The following INTS11 variants were observed in gnomAD, a reference collection of about 807,000 sequenced individuals.
INTS11 encodes CPSF3-like protein.
In INTS11, 77 loss-of-function variants were observed where a neutral mutation model predicts 78.6. That is an observed-to-expected ratio of 0.98 (90% CI 0.81 to 1.18). The LOEUF is 1.18. Among genes scored for constraint, INTS11 ranks in the 50% most tolerant of loss-of-function variants. INTS11 has a pLI of 0.00. For synonymous variants in INTS11, 441 were observed against 326.9 expected, an observed-to-expected ratio of 1.35 and a Z score of -3.77; for missense variants, 875 against 825.9, an observed-to-expected ratio of 1.06 and a Z score of -0.73.
rs932999699 is a variant in INTS11 at position 1,312,098 on chromosome 1, C to G, written c.1657G>C (p.Val553Leu). The G allele has an allele frequency of 6.3e-7, 1 of 1,577,564 alleles. No homozygotes were observed. The highest frequency in any genetic ancestry group is 1.3e-5 in the African/African-American group (1 of 74,218). Residue 553 changes from valine to leucine, a missense_variant, in exon 16 of 17, where the codon GTG becomes CTG. Val to Leu is a conservative substitution (Grantham distance 32). Coordinates refer to ENST00000435064, the MANE Select transcript of INTS11 (RefSeq NM_017871.6). ...VQHLPDGSVT[V>L]ESVLLQAAAP... ...GCGGCCTGGAGGAGGACGGACTCCA[C>G]AGTCACAGAGCCGTCTGGGAGGTGC...
intron 1 of INTS11, chr1:1,321,809 C>T: frequency 1.1e-6 from 1 of 906,492 alleles, no homozygotes. Flanking sequence ...CCTCATGTGG[C>T]CTGGGGGCCC....
In INTS11 at chr1:1,319,404, G is replaced by A; in HGVS notation, c.321C>T (p.Tyr107=). 6.2e-7 allele frequency: 1 copy of A among 1,613,388 alleles called. No homozygotes were observed. ...CCTTCTTGTCTACGGCGATCTTGCG[G>A]TAGTCCTCCAGCAAGATGGGGCAGA... The part of the protein sequence containing the change: ...QAICPILLED[Y]RKIAVDKKGE... The change falls in exon 4 of 17, where the codon TAC becomes TAT. Residue 107 remains tyrosine (Y), a synonymous_variant. Transcript: ENST00000435064.
rs754385797 is a variant in INTS11 at position 1,312,515 on chromosome 1, G to A, written c.1403-14C>T. On this transcript the variant is annotated splice_polypyrimidine_tract_variant and intron_variant, in intron 13 of 16. Coordinates refer to ENST00000435064, the MANE Select transcript of INTS11 (RefSeq NM_017871.6). ...CAGGGAGCAGCCCTGCGGAGGAGGT[G>A]GCAGGAGCCATCAATGTGAGGGCCG... The A allele has an allele frequency of 3.2e-6, 5 of 1,583,664 alleles. No homozygotes were observed. In the African/African-American group the frequency reaches 4.0e-5, roughly 13 times the overall value.
At chr1:1,323,029 T>A in intron 1 of INTS11, 2 of 1,412,824 alleles carry the variant, frequency 1.4e-6, no homozygotes, top group Non-Finnish European at 1.9e-6. Flanking sequence ...AGGGGCAGGC[T>A]GGGAGGACCC....
intron 3 of INTS11, 181 bp from the exon 4 acceptor site, chr1:1,319,705 T>G (rs1642833373): frequency 8.6e-6 from 5 of 582,390 alleles, no homozygotes; most frequent in Non-Finnish European, 1.5e-5. Flanking sequence ...AGTCTCAAAG[T>G]CTAGCAAGGC....
At chr1:1,320,413 A>G in intron 3 of INTS11, 43 bp downstream of exon 3, 3 of 1,590,162 alleles carry the variant, frequency 1.9e-6, no homozygotes, top group Non-Finnish European at 2.6e-6. Context: ...CAAGCCCCAC[A>G]GGCACAGACA....
Position 1,314,997 on chromosome 1 carries a change from C to G in INTS11, c.564-35G>C. The stretch of plus-strand genomic sequence containing the variant: ...GGGGGTGGGGGTGTGAGCCACGATG[C>G]ACTGTCCCCACGGTTGCAGGGCTGG... On this transcript the variant is annotated intron_variant, in intron 6 of 16. Transcript: ENST00000435064. This position sits in a 1 kb window ranked among gnomAD's most constrained non-coding sequence, Gnocchi z 4.2. The G allele has an allele frequency of 6.2e-7, 1 of 1,604,554 alleles. No homozygotes were observed. The highest frequency in any genetic ancestry group is 8.5e-7 in the Non-Finnish European group (1 of 1,173,268).
intron 4 of INTS11, 106 bp downstream of exon 4, chr1:1,319,190 T>A (rs768445933): frequency 9.8e-7 from 1 of 1,022,654 alleles, no homozygotes; most frequent in Non-Finnish European, 1.6e-6. Context: ...TGGGGTGGGC[T>A]CACCCTGAGG....
Position 1,314,114 on chromosome 1 carries a change from G to A in INTS11, c.767+187C>T. 1 of 759,012 alleles carries A rather than the reference G, an allele frequency of 1.3e-6. No homozygotes were observed. Among genetic ancestry groups the A allele is most frequent in the Non-Finnish European group, 2.2e-6 (1 of 456,210 alleles). 47.0% of individuals were successfully genotyped at this position (759,012 alleles called of 1,614,324 possible). A position where few individuals can be genotyped will look rare whatever the true frequency, so the allele number is the denominator to read the frequency against. On this transcript the variant is annotated intron_variant, in intron 8 of 16. Transcript: ENST00000435064. The surrounding 1 kb of genome is among the most constrained non-coding windows in gnomAD (Gnocchi z 4.2). ...CGGAGAACCAGGAACCCCTACAAGA[G>A]CCGCACACGGTGGCGCTGACGGGAT...
intron 2 of INTS11, 45 bp from the exon 3 acceptor site, chr1:1,320,574 C>G: frequency 1.9e-6 from 3 of 1,601,418 alleles, no homozygotes; most frequent in Non-Finnish European, 2.6e-6. Context: ...GGTCTCCAGG[C>G]AGCATCTGGG....
At position 1,312,209 on chromosome 1, in the gene INTS11, C is replaced by CGGGGCCGG; in HGVS notation, c.1607+9_1607+16dup. The CGGGGCCGG allele has an allele frequency of 1.2e-6, 1 of 863,566 alleles. No homozygotes were observed. The highest frequency in any genetic ancestry group is 1.6e-6 in the Non-Finnish European group (1 of 629,194). 53.5% of individuals were successfully genotyped at this position (863,566 alleles called of 1,614,324 possible). A position where few individuals can be genotyped will look rare whatever the true frequency, so the allele number is the denominator to read the frequency against. The stretch of plus-strand genomic sequence containing the variant: ...AGGGCCCAAGGGAGTGGGGGGGGGG[C>CGGGGCCGG]GGGGCCGGGCGCCCACCTCTTGAGG... On this transcript the variant is annotated intron_variant, in intron 15 of 16. Transcript: ENST00000435064.
rs552646507 is a variant in INTS11, at chr1:1,319,883, C to T, written c.201-359G>A. The T allele has an allele frequency of 7.5e-4, 191 of 255,546 alleles. 1 individual carries two copies. Among genetic ancestry groups the T allele is most frequent in the African/African-American group, 3.9e-3 (173 of 44,608 alleles). 15.8% of individuals were successfully genotyped at this position (255,546 alleles called of 1,614,324 possible). On this transcript the variant is annotated intron_variant, in intron 3 of 16. Coordinates refer to ENST00000435064, the MANE Select transcript of INTS11 (RefSeq NM_017871.6). ...GGCACAGACCTGAGGGCAAGGGCAGCGCCTGGCAAGCCCCAGGAAGGCACT... is the reference window on the plus strand; with the variant it reads ...GGCACAGACCTGAGGGCAAGGGCAGTGCCTGGCAAGCCCCAGGAAGGCACT...
At chr1:1,321,371 G>C (rs1469578303) in intron 1 of INTS11, among the ~76,000 whole-genome samples, 2 of 151,992 alleles carry the variant, frequency 1.3e-5, no homozygotes, top group Non-Finnish European at 2.9e-5. Flanking sequence ...TGCTGGCTAA[G>C]TAGTGGGCAC....
intron 1 of INTS11, chr1:1,322,797 A>G: frequency 1.3e-6 from 1 of 768,922 alleles, no homozygotes; most frequent in Non-Finnish European, 1.6e-6. Context: ...AGTGACCCCA[A>G]GGACACAGCA....
chr1:1,312,652 G>T lies in INTS11; in HGVS notation c.1343C>A (p.Thr448Lys). The change falls in exon 13 of 17, where the codon ACA becomes AAA. Residue 448 changes from threonine (T) to lysine (K), a missense_variant. By Grantham distance (78) the Thr-to-Lys change is moderately conservative. Coordinates refer to ENST00000435064, the MANE Select transcript of INTS11 (RefSeq NM_017871.6). ...GATGCCTACGGGGATGCTGGGGCTT[G>T]TGGGCAGCGTCACCGTCTCGCCATT... is the stretch of plus-strand genomic sequence containing the variant. ...PANGETVTLPTSPSIPVGISL... is the reference protein window; with the variant it reads ...PANGETVTLPKSPSIPVGISL... 1 of 1,594,296 alleles carries T rather than the reference G, an allele frequency of 6.3e-7. No individual in the cohort carries two copies. Among genetic ancestry groups the T allele is most frequent in the Non-Finnish European group, 8.6e-7 (1 of 1,167,204 alleles).
chr1:1,318,755 A>G (rs889649132), intron 4 of INTS11: 20 of 534,820 alleles, frequency 3.7e-5, no homozygotes, highest in Non-Finnish European at 5.5e-5. Flanking sequence ...TACCTAATAT[A>G]GTTTCAAGAA....
rs373808021 is a variant in INTS11, at chr1:1,324,644, C to T, written c.-36G>A. The T allele has an allele frequency of 3.8e-6, 6 of 1,598,008 alleles. No homozygotes were observed. Among genetic ancestry groups the T allele is most frequent in the Non-Finnish European group, 5.1e-6 (6 of 1,174,048 alleles). Reference sequence around the variant, plus strand: ...GCGCTCCCGGACCCGCGAGGCCCGCCTGCGGTGATGCACTGCGCAGGCGCA... The same window carrying T: ...GCGCTCCCGGACCCGCGAGGCCCGCTTGCGGTGATGCACTGCGCAGGCGCA... On this transcript the variant is annotated 5_prime_UTR_variant, in exon 1 of 17. Coordinates refer to ENST00000435064, the MANE Select transcript of INTS11 (RefSeq NM_017871.6).
Position 1,312,077 on chromosome 1 carries a change from C to T in INTS11, c.1678G>A (p.Ala560Thr). 1 of 1,572,790 alleles carries T rather than the reference C, an allele frequency of 6.4e-7. No individual in the cohort carries two copies. ...CCTGGGTCCTCAGAAGGGGCGGCGGCCTGGAGGAGGACGGACTCCACAGTC... is the reference window on the plus strand; with the variant it reads ...CCTGGGTCCTCAGAAGGGGCGGCGGTCTGGAGGAGGACGGACTCCACAGTC... ...SVTVESVLLQ[A>T]AAPSEDPGTK... The change falls in exon 16 of 17, where the codon GCC (alanine) becomes ACC (threonine). Residue 560 changes from alanine to threonine, a missense_variant. Physicochemically the swap from Ala to Thr is moderately conservative, Grantham distance 58. Transcript: ENST00000435064.
At chr1:1,316,226 GT>G in intron 4 of INTS11, 1 of 169,676 alleles carries the variant, frequency 5.9e-6, no homozygotes, top group South Asian at 1.5e-4. Context: ...AGGTTGCAGT[GT>G]ACTGAGATCA....
Sources: gnomAD v4.1 joint callset for allele counts (sites outside exome capture counted in the v4.1 genomes callset) on GRCh38, gnomAD v4.1.1 for gene constraint, Gnocchi (gnomAD v3.1) non-coding constraint, MANE v1.5 for transcripts, NCBI Gene and HGNC (gene_info 2026-07-23, HGNC 2026-07-21) for gene names.